Variants in HTR1F observed in about 807,000 individuals in gnomAD.
HTR1F encodes 5-hydroxytryptamine (serotonin) receptor 1F, G protein-coupled.
HTR1F carries 17 observed loss-of-function variants against 24.0 expected under a neutral mutation model. The ratio of observed to expected loss-of-function variants is 0.71; its 90% CI spans 0.48 to 1.06. The LOEUF is 1.06. Ranked by LOEUF, HTR1F falls within the 50% of genes least tolerant of loss-of-function variation. The pLI is 0.00. For missense variants in HTR1F, 391 were observed against 427.8 expected (o/e 0.91, Z 0.76); for synonymous variants, 186 against 156.8 (o/e 1.19, Z -1.39).
chr3:87,935,687 T>A (rs938014107), intron 2 of HTR1F, among the ~76,000 whole-genome samples: 2 of 152,176 alleles, frequency 1.3e-5, no homozygotes, highest in Middle Eastern at 3.2e-3. Flanking sequence ...TTTCATTAAG[T>A]TTCCATTTTG....
intron 2 of HTR1F, among the ~76,000 whole-genome samples, 36 bp downstream of exon 2, chr3:87,822,160 A>T (rs1704372518): frequency 6.6e-6 from 1 of 152,200 alleles, no homozygotes; most frequent in South Asian, 2.1e-4. Flanking sequence ...GAAGAAAAAT[A>T]AATTGACAAT....
chr3:87,890,967 AAGTAG>A (rs1706068764), intron 2 of HTR1F, among the ~76,000 whole-genome samples: 1 of 150,458 alleles, frequency 6.6e-6, no homozygotes, highest in Non-Finnish European at 1.5e-5. Flanking sequence ...TCAGCCTCCC[AAGTAG>A]CTGGGATTAC....
chr3:87,850,219 CAAT>C (rs1313339480), intron 2 of HTR1F, among the ~76,000 whole-genome samples: 14 of 151,896 alleles, frequency 9.2e-5, no homozygotes, highest in African/African-American at 3.2e-4. Context: ...AAATGTCCAA[CAAT>C]GATAGACTGG....
intron 2 of HTR1F, among the ~76,000 whole-genome samples, chr3:87,891,301 T>TA (rs142998497): frequency 0.08 from 12,102 of 151,978 alleles, 1,512 homozygotes; most frequent in African/African-American, 0.27. Context: ...TTTGTTAAAA[T>TA]AAAAAAAATG....
intron 2 of HTR1F, among the ~76,000 whole-genome samples, chr3:87,856,585 T>A (rs193224651): frequency 3.3e-5 from 5 of 152,270 alleles, no homozygotes; most frequent in Middle Eastern, 3.4e-3. Flanking sequence ...TTGTTCTTTA[T>A]GGCATGCACA....
intron 2 of HTR1F, among the ~76,000 whole-genome samples, chr3:87,946,855 G>A (rs1180038986): frequency 6.6e-6 from 1 of 151,950 alleles, no homozygotes; most frequent in Non-Finnish European, 1.5e-5. Context: ...TTGATCTCCT[G>A]ACCTCATGAT....
At chr3:87,823,761 T>A (rs1241991261) in intron 2 of HTR1F, among the ~76,000 whole-genome samples, 1 of 151,344 alleles carries the variant, frequency 6.6e-6, no homozygotes, top group Non-Finnish European at 1.5e-5. Flanking sequence ...TTACAGGCTT[T>A]AAAAAAAACA....
At chr3:87,813,239 T>C (rs182745608) in intron 1 of HTR1F, among the ~76,000 whole-genome samples, 144 of 152,304 alleles carry the variant, frequency 9.5e-4, no homozygotes, top group Non-Finnish European at 1.7e-3. Context: ...GCCCATCCCT[T>C]GCATCAGCGT....
chr3:87,977,275 A>G (rs1705415193), intron 2 of HTR1F, among the ~76,000 whole-genome samples: 1 of 152,166 alleles, frequency 6.6e-6, no homozygotes, highest in Non-Finnish European at 1.5e-5. Context: ...TCCAGATGAC[A>G]AATAATAATA....
intron 2 of HTR1F, among the ~76,000 whole-genome samples, chr3:87,851,954 A>G (rs980910096): frequency 1.1e-4 from 16 of 150,712 alleles, no homozygotes; most frequent in African/African-American, 3.9e-4. Flanking sequence ...AAAAATAAAT[A>G]TAACATCCAA....
chr3:87,971,457 T>G (rs1705284190), intron 2 of HTR1F, among the ~76,000 whole-genome samples: 1 of 151,630 alleles, frequency 6.6e-6, no homozygotes, highest in Non-Finnish European at 1.5e-5. Context: ...TACTAGGGAG[T>G]CTGAGGTGGG....
chr3:87,887,535 G>T (rs1264526796), intron 2 of HTR1F, among the ~76,000 whole-genome samples: 1 of 152,254 alleles, frequency 6.6e-6, no homozygotes, highest in Non-Finnish European at 1.5e-5. Flanking sequence ...AGAGTGAACA[G>T]GCAACCTACA....
At chr3:87,864,901 AAAAAAGAAAAG>A (rs1705392055) in intron 2 of HTR1F, among the ~76,000 whole-genome samples, 1 of 146,452 alleles carries the variant, frequency 6.8e-6, no homozygotes. Context: ...CAAAAAAAAA[AAAAAAGAAAAG>A]AAAAGAAAAG....
chr3:87,850,792 T>C (rs1421980050), intron 2 of HTR1F, among the ~76,000 whole-genome samples: 1 of 151,322 alleles, frequency 6.6e-6, no homozygotes, highest in East Asian at 1.9e-4. Flanking sequence ...TGTATGCAGA[T>C]TTAATTGTAT....
intron 2 of HTR1F, among the ~76,000 whole-genome samples, chr3:87,866,927 C>A (rs1282043505): frequency 1.3e-5 from 2 of 151,110 alleles, no homozygotes; most frequent in African/African-American, 2.4e-5. Context: ...TTATGGTCTC[C>A]CCTGAGCAGT....
chr3:87,925,033 C>A (rs748366102), intron 2 of HTR1F, among the ~76,000 whole-genome samples: 1 of 151,886 alleles, frequency 6.6e-6, no homozygotes, highest in Non-Finnish European at 1.5e-5. Context: ...ATATGGTGAT[C>A]CCTAAGTCCC....
chr3:87,919,024 A>C (rs563608627), intron 2 of HTR1F, among the ~76,000 whole-genome samples: 191 of 152,310 alleles, frequency 1.3e-3, no homozygotes, highest in Middle Eastern at 6.8e-3. Flanking sequence ...GTATAAAAAT[A>C]GGCACATAGA....
chr3:87,955,487 A>C (rs191040238), intron 2 of HTR1F, among the ~76,000 whole-genome samples: 1 of 151,590 alleles, frequency 6.6e-6, no homozygotes, highest in East Asian at 1.9e-4. Flanking sequence ...GGCTATTATG[A>C]ATACAGTGAA....
chr3:87,933,941 C>T (rs1192027996), intron 2 of HTR1F, among the ~76,000 whole-genome samples: 1 of 152,180 alleles, frequency 6.6e-6, no homozygotes, highest in East Asian at 1.9e-4. Context: ...TCAGCCTATA[C>T]ATGTATTCCA....
Sources: allele counts gnomAD v4.1 joint callset (sites outside exome capture counted in the v4.1 genomes callset), GRCh38; gene constraint gnomAD v4.1.1; transcripts MANE v1.5; gene names NCBI Gene and HGNC (gene_info 2026-07-23, HGNC 2026-07-21).